PXYLP1: variants seen among roughly 807,000 people sequenced by gnomAD.
PXYLP1 encodes the protein 2-phosphoxylose phosphatase 1.
A neutral mutation model predicts 37.9 loss-of-function variants in PXYLP1; 17 were observed. The observed-to-expected ratio is 0.45, with a 90% confidence interval of 0.31 to 0.67. The LOEUF is 0.67. Ranked by LOEUF, PXYLP1 falls within the 30% of genes least tolerant of loss-of-function variation. The pLI, the probability that PXYLP1 is intolerant of heterozygous loss-of-function variation, is 0.07. For missense variants in PXYLP1, 511 were observed against 612.0 expected (o/e 0.84, Z 1.74); for synonymous variants, 221 against 232.2 (o/e 0.95, Z 0.44).
intron 1 of PXYLP1, among the ~76,000 whole-genome samples, chr3:141,242,898 C>T (rs912143590): frequency 1.3e-5 from 2 of 152,186 alleles, no homozygotes; most frequent in African/African-American, 4.8e-5. Context: ...TTGGTCACTT[C>T]GAATCCCCAG....
intron 2 of PXYLP1, chr3:141,267,401 T>C (rs982431727): frequency 6.6e-6 from 1 of 152,210 alleles, no homozygotes; most frequent in African/African-American, 2.4e-5. Context: ...ACAAAAAGTA[T>C]GAGAAATTGA....
At chr3:141,254,878 A>G (rs1941230300) in intron 1 of PXYLP1, among the ~76,000 whole-genome samples, 1 of 152,154 alleles carries the variant, frequency 6.6e-6, no homozygotes. Context: ...TTTTCTTTCT[A>G]GCAGTTGTGG....
At chr3:141,232,335 C>G (rs534319759) in intron 1 of PXYLP1, 3 of 152,528 alleles carry the variant, frequency 2.0e-5, no homozygotes, top group Non-Finnish European at 4.4e-5. Flanking sequence ...CCTTCCAGCC[C>G]TCTCCCGCAC....
At chr3:141,242,074 T>G (rs929786506) in intron 1 of PXYLP1, among the ~76,000 whole-genome samples, 2 of 152,242 alleles carry the variant, frequency 1.3e-5, no homozygotes, top group African/African-American at 4.8e-5. Context: ...GAGCACTTTC[T>G]TGGAGCCCAG....
rs187378540 is a variant in PXYLP1, at chr3:141,274,883, C to T, written c.80-3459C>T. 7.3e-3 allele frequency among the ~76,000 whole-genome samples: 1,109 copies of T among 152,254 alleles called. 7 individuals are homozygous for T. Among genetic ancestry groups the T allele is most frequent in the Non-Finnish European group, 0.013 (864 of 68,008 alleles). On this transcript the variant is annotated intron_variant, in intron 2 of 5. Coordinates refer to ENST00000286353, the MANE Select transcript of PXYLP1 (RefSeq NM_001037172.3). ...TACAGTGTTGGTCAGATTTCGGGAG[C>T]AGAGGGTGAGAGTAGAGTTGCCAGC...
intron 2 of PXYLP1, chr3:141,273,614 G>A: frequency 2.0e-6 from 2 of 985,396 alleles, no homozygotes; most frequent in Non-Finnish European, 2.4e-6. Flanking sequence ...GTCCCAAGGA[G>A]ATGCTTTAGA....
At chr3:141,272,425 A>G (rs1467646743) in intron 2 of PXYLP1, among the ~76,000 whole-genome samples, 2 of 149,260 alleles carry the variant, frequency 1.3e-5, no homozygotes, top group Non-Finnish European at 2.9e-5. Flanking sequence ...CAAAATGAGC[A>G]AATCATCATT....
rs1353014883 is a variant in PXYLP1 at position 141,273,665 on chromosome 3, C to T, written c.80-4677C>T. ...CATTTCTTTGAAATTGAGACCTTGT[C>T]GGCATCTTTACACATGAGGGTTATA... On this transcript the variant is annotated intron_variant, in intron 2 of 5. Coordinates refer to ENST00000286353, the MANE Select transcript of PXYLP1 (RefSeq NM_001037172.3). The T allele has an allele frequency of 9.1e-6, 9 of 985,208 alleles. No individual in the cohort carries two copies. In the South Asian group the frequency reaches 1.4e-4, roughly 15 times the overall value. 61.0% of individuals were successfully genotyped at this position (985,208 alleles called of 1,614,324 possible).
rs766662080 is a variant in PXYLP1, at chr3:141,263,359, TAA to T, written c.79+3106_79+3107del. Among the ~76,000 whole-genome samples the T allele has an allele frequency of 3.5e-4, 53 of 152,250 alleles. 1 individual carries two copies. The highest frequency in any genetic ancestry group is 3.2e-3 in the Middle Eastern group (1 of 316). On this transcript the variant is annotated intron_variant, in intron 2 of 5. Transcript: ENST00000286353. ...ATATGCTAATTGTCTTTAATAAAAA[TAA>T]GTCTATGTTTTCAAGTCTTTAATGT... is the stretch of plus-strand genomic sequence containing the variant.
In PXYLP1 at chr3:141,262,345, GAT is replaced by G. The variant is rs1471611250; in HGVS notation, c.79+2094_79+2095del. Reference sequence around the variant, plus strand: ...GAATCCTTTCCAAAAAGTGTGGTAAGATATTCAGTAGTTTAATTGTTTATAAA... The same window carrying G: ...GAATCCTTTCCAAAAAGTGTGGTAAGATTCAGTAGTTTAATTGTTTATAAA... On this transcript the variant is annotated intron_variant, in intron 2 of 5. Transcript: ENST00000286353. The G allele has an allele frequency of 2.9e-6, 3 of 1,017,792 alleles. No individual in the cohort carries two copies. In the African/African-American group the frequency reaches 5.1e-5, roughly 17 times the overall value. The allele number at this position is 1,017,792 out of a possible 1,614,324, so 63.0% of individuals were successfully genotyped here.
intron 1 of PXYLP1, among the ~76,000 whole-genome samples, chr3:141,237,094 T>G (rs957288365): frequency 1.3e-5 from 2 of 152,202 alleles, no homozygotes; most frequent in Non-Finnish European, 2.9e-5. Context: ...GTTAAAAGGC[T>G]TCCTCTAGAA....
intron 1 of PXYLP1, among the ~76,000 whole-genome samples, chr3:141,248,650 T>TATAC (rs1553751350): frequency 1.3e-5 from 1 of 77,858 alleles, no homozygotes; most frequent in Non-Finnish European, 2.3e-5. Flanking sequence ...CGTGTATATA[T>TATAC]ACACACGTAT....
intron 5 of PXYLP1, among the ~76,000 whole-genome samples, chr3:141,291,321 CCTT>C (rs1366652969): frequency 6.6e-6 from 1 of 152,048 alleles, no homozygotes; most frequent in African/African-American, 2.4e-5. Context: ...TCTTGGGTTG[CCTT>C]CTTCTGCTTA....
At chr3:141,262,491 G>A (rs1194672996) in intron 2 of PXYLP1, 1 of 735,588 alleles carries the variant, frequency 1.4e-6, no homozygotes, top group Non-Finnish European at 2.0e-6. Flanking sequence ...TGTGTTTGTG[G>A]CATTTCTCTT....
intron 2 of PXYLP1, chr3:141,262,652 C>T: frequency 6.6e-7 from 1 of 1,526,642 alleles, no homozygotes; most frequent in South Asian, 1.2e-5. Flanking sequence ...TGGGTCTGAG[C>T]TCTTTATTCT....
chr3:141,294,922 C>T lies in PXYLP1; in HGVS notation c.*1717C>T, dbSNP rs1198548768. 2 of 152,110 alleles carry T rather than the reference C, an allele frequency of 1.3e-5. No individual in the cohort carries two copies. The highest frequency in any genetic ancestry group is 6.5e-5 in the Admixed American group (1 of 15,276). 9.4% of individuals were successfully genotyped at this position (152,110 alleles called of 1,614,324 possible). On this transcript the variant is annotated 3_prime_UTR_variant, in exon 6 of 6. Transcript: ENST00000286353. ...TGACTCGGAAGATTTTTTAAAAAAT[C>T]AATTGATAGTATCTGTTGGTAAAAG...
At chr3:141,237,845 T>TG (rs995946486) in intron 1 of PXYLP1, among the ~76,000 whole-genome samples, 12 of 152,198 alleles carry the variant, frequency 7.9e-5, no homozygotes, top group African/African-American at 2.9e-4. Context: ...GGGCTGACCA[T>TG]GGGGTGGTGA....
intron 4 of PXYLP1, among the ~76,000 whole-genome samples, chr3:141,284,229 C>A (rs1372902463): frequency 1.3e-5 from 2 of 152,014 alleles, no homozygotes; most frequent in Non-Finnish European, 2.9e-5. Flanking sequence ...CATTCAGGGC[C>A]CCAGGTTTCT....
At chr3:141,262,557 C>A (rs1941416137) in intron 2 of PXYLP1, 2 of 1,214,350 alleles carry the variant, frequency 1.6e-6, no homozygotes, top group Admixed American at 5.8e-5. Flanking sequence ...TTATATAACT[C>A]TTCTGAAAGT....
Sources: gnomAD v4.1 joint callset for allele counts (sites outside exome capture counted in the v4.1 genomes callset) on GRCh38, gnomAD v4.1.1 for gene constraint, MANE v1.5 for transcripts, NCBI Gene and HGNC (gene_info 2026-07-23, HGNC 2026-07-21) for gene names.